Variants in DNER observed in about 807,000 individuals in gnomAD.
DNER encodes delta and Notch-like epidermal growth factor-related receptor.
A neutral mutation model predicts 78.2 loss-of-function variants in DNER; 33 were observed. The observed-to-expected ratio is 0.42, with a 90% CI of 0.32 to 0.56. DNER has a LOEUF of 0.56. DNER is among the 20% of genes least tolerant of loss of function. The pLI is 0.11. For missense variants in DNER, 918 were observed against 975.3 expected, an observed-to-expected ratio of 0.94 and a Z score of 0.78; for synonymous variants, 417 against 384.8, an observed-to-expected ratio of 1.08 and a Z score of -0.98.
chr2:229,652,778 T>C (rs923992829), intron 1 of DNER, among the ~76,000 whole-genome samples: 1 of 152,238 alleles, frequency 6.6e-6, no homozygotes, highest in Non-Finnish European at 1.5e-5. Flanking sequence ...CATTAAGCTT[T>C]CAGCATGCCT....
intron 7 of DNER, among the ~76,000 whole-genome samples, chr2:229,457,934 G>A (rs778707424): frequency 4.6e-5 from 7 of 151,496 alleles, no homozygotes; most frequent in Non-Finnish European, 7.4e-5. Flanking sequence ...TGAGGAGTTC[G>A]AGACCAGCCT....
intron 6 of DNER, among the ~76,000 whole-genome samples, chr2:229,491,945 A>G (rs1036192155): frequency 3.8e-5 from 5 of 130,888 alleles, no homozygotes; most frequent in Non-Finnish European, 6.6e-5. Context: ...CATTTTTGCC[A>G]TGATTACACA....
chr2:229,492,292 G>T (rs1695417495), intron 6 of DNER, among the ~76,000 whole-genome samples: 1 of 152,212 alleles, frequency 6.6e-6, no homozygotes, highest in East Asian at 1.9e-4. Context: ...GGTAGAAGTG[G>T]TTAGCTTGAA....
intron 7 of DNER, among the ~76,000 whole-genome samples, chr2:229,451,159 C>T (rs1694448438): frequency 1.3e-5 from 2 of 152,270 alleles, no homozygotes; most frequent in South Asian, 4.1e-4. Flanking sequence ...ATTAAAAATG[C>T]TAATAATAAC....
chr2:229,506,950 T>C (rs1695758301), intron 6 of DNER, among the ~76,000 whole-genome samples: 1 of 152,162 alleles, frequency 6.6e-6, no homozygotes, highest in South Asian at 2.1e-4. Flanking sequence ...GCTAATGTCA[T>C]GGAATTTACT....
At chr2:229,360,439 C>A (rs1692185833) in intron 12 of DNER, among the ~76,000 whole-genome samples, 1 of 152,122 alleles carries the variant, frequency 6.6e-6, no homozygotes, top group Non-Finnish European at 1.5e-5. Flanking sequence ...GAGACAGAGT[C>A]TCGCACTGTT....
intron 5 of DNER, among the ~76,000 whole-genome samples, chr2:229,516,835 C>T (rs1215238784): frequency 7.4e-5 from 11 of 148,182 alleles, no homozygotes; most frequent in East Asian, 6.0e-4. Context: ...AGGCCGGGCA[C>T]GGTGGCTCAC....
intron 7 of DNER, among the ~76,000 whole-genome samples, chr2:229,469,554 C>A (rs1352834017): frequency 6.6e-6 from 1 of 152,180 alleles, no homozygotes; most frequent in Non-Finnish European, 1.5e-5. Context: ...GTAAATTGTT[C>A]AAGGTCGCCA....
At chr2:229,444,923 A>G (rs1355271160) in intron 8 of DNER, among the ~76,000 whole-genome samples, 1 of 152,206 alleles carries the variant, frequency 6.6e-6, no homozygotes, top group Non-Finnish European at 1.5e-5. Flanking sequence ...GGAGAAAGGG[A>G]GGAGAAAATA....
At chr2:229,663,662 A>G (rs141708456) in intron 1 of DNER, among the ~76,000 whole-genome samples, 1 of 152,214 alleles carries the variant, frequency 6.6e-6, no homozygotes, top group African/African-American at 2.4e-5. Context: ...CCATCCTTAC[A>G]TTGTTATCCA....
chr2:229,421,427 T>C (rs1298479781), intron 8 of DNER, among the ~76,000 whole-genome samples: 1 of 151,054 alleles, frequency 6.6e-6, no homozygotes. Context: ...ATGCTGTGTT[T>C]TTTTACCACT....
At chr2:229,668,810 G>A (rs1032700235) in intron 1 of DNER, among the ~76,000 whole-genome samples, 4 of 151,490 alleles carry the variant, frequency 2.6e-5, no homozygotes, top group Non-Finnish European at 4.4e-5. Flanking sequence ...AAGACAGTGT[G>A]GCGATTCCTC....
At chr2:229,702,317 T>C (rs1011915960) in intron 1 of DNER, among the ~76,000 whole-genome samples, 4 of 150,132 alleles carry the variant, frequency 2.7e-5, no homozygotes, top group African/African-American at 9.8e-5. Flanking sequence ...GGAGGATCAC[T>C]TGAGCCCAGG....
intron 11 of DNER, among the ~76,000 whole-genome samples, chr2:229,373,632 C>T (rs1437934849): frequency 6.6e-6 from 1 of 152,176 alleles, no homozygotes; most frequent in Non-Finnish European, 1.5e-5. Flanking sequence ...AGCACAGGCA[C>T]TTGCACGTTC....
rs1312741931 is a variant in DNER at position 229,453,792 on chromosome 2, A to G, written c.1262-6252T>C. 4.6e-5 allele frequency among the ~76,000 whole-genome samples: 7 copies of G among 152,224 alleles called. No individual in the cohort carries two copies. The East Asian group carries it at 1.4e-3, about 29-fold the overall frequency. On this transcript the variant is annotated intron_variant, in intron 7 of 12. Transcript: ENST00000341772. ...CCTGTTGCTCAGCATGAAGCTTGGA[A>G]GATGGTAGGCATTTGACCAGGGACA...
At chr2:229,538,767 C>T (rs922969397) in intron 5 of DNER, among the ~76,000 whole-genome samples, 5 of 151,784 alleles carry the variant, frequency 3.3e-5, no homozygotes, top group Non-Finnish European at 5.9e-5. Flanking sequence ...TCAAACTCCC[C>T]ACCTCAGGTG....
Position 229,614,807 on chromosome 2 carries a change from A to G in DNER, c.277-22919T>C, listed in dbSNP as rs1357668883. On this transcript the variant is annotated intron_variant, in intron 1 of 12. Coordinates refer to ENST00000341772, the MANE Select transcript of DNER (RefSeq NM_139072.4). ...TTCCTCATGGCTGGTTAGAGAAATC[A>G]AAAGTACAGTGCAATATGATATTAG... is the stretch of plus-strand genomic sequence containing the variant. Among the ~76,000 whole-genome samples the G allele has an allele frequency of 3.3e-5, 5 of 152,358 alleles. No homozygotes were observed. In the East Asian group the frequency reaches 9.6e-4, roughly 29 times the overall value.
intron 7 of DNER, among the ~76,000 whole-genome samples, chr2:229,453,939 A>AAAG (rs1553606205): frequency 7.2e-6 from 1 of 138,354 alleles, no homozygotes; most frequent in Non-Finnish European, 1.6e-5. Flanking sequence ...AAAAAAAAAA[A>AAAG]AAAGAAAGAA....
chr2:229,491,754 T>C (rs919405505), intron 6 of DNER, among the ~76,000 whole-genome samples: 2 of 152,168 alleles, frequency 1.3e-5, no homozygotes, highest in Admixed American at 6.5e-5. Flanking sequence ...ACTCCACATC[T>C]ACTTTCTCCT....
Sources: gnomAD v4.1 joint callset for allele counts (sites outside exome capture counted in the v4.1 genomes callset) on GRCh38, gnomAD v4.1.1 for gene constraint, MANE v1.5 for transcripts, NCBI Gene and HGNC (gene_info 2026-07-23, HGNC 2026-07-21) for gene names.